The following THSD7B variants were observed in gnomAD, a reference collection of about 807,000 sequenced individuals.
The protein encoded by THSD7B is thrombospondin type 1 domain containing 7B.
A neutral mutation model predicts 213.6 loss-of-function variants in THSD7B; 138 were observed. The observed-to-expected ratio is 0.65, with a 90% confidence interval of 0.56 to 0.74. The LOEUF (loss-of-function observed/expected upper bound fraction) is 0.74, where lower values mean the gene tolerates loss of function less well. Among genes scored for constraint, THSD7B ranks in the 30% least tolerant of loss-of-function variants. The pLI is 0.00. For synonymous variants in THSD7B, 742 were observed against 687.0 expected, an observed-to-expected ratio of 1.08 and a Z score of -1.25; for missense variants, 1,931 against 1,991.5, an observed-to-expected ratio of 0.97 and a Z score of 0.58.
intron 12 of THSD7B, among the ~76,000 whole-genome samples, chr2:137,397,547 T>A (rs1312901591): frequency 6.6e-6 from 1 of 151,708 alleles, no homozygotes; most frequent in Non-Finnish European, 1.5e-5. Flanking sequence ...GTTAGTCTGA[T>A]GGGCTTCCCT....
intron 12 of THSD7B, among the ~76,000 whole-genome samples, chr2:137,373,099 G>T (rs1345279331): frequency 2.6e-5 from 4 of 152,040 alleles, no homozygotes; most frequent in South Asian, 2.1e-4. Flanking sequence ...GTCTATCATT[G>T]TTGGACATTT....
At chr2:137,552,815 T>A (rs1680876708) in intron 15 of THSD7B, among the ~76,000 whole-genome samples, 1 of 152,084 alleles carries the variant, frequency 6.6e-6, no homozygotes, top group Non-Finnish European at 1.5e-5. Context: ...GCTGATTGAA[T>A]AAGAAAAGGG....
chr2:136,838,252 C>G (rs1179248545), intron 1 of THSD7B, among the ~76,000 whole-genome samples: 1 of 151,972 alleles, frequency 6.6e-6, no homozygotes, highest in East Asian at 1.9e-4. Context: ...GATCTGCTTC[C>G]TTGGATTGGG....
chr2:136,878,088 A>G (rs1683554388), intron 1 of THSD7B, among the ~76,000 whole-genome samples: 1 of 152,026 alleles, frequency 6.6e-6, no homozygotes, highest in African/African-American at 2.4e-5. Context: ...ACCCCACAAC[A>G]GGTCCCAGTG....
intron 1 of THSD7B, among the ~76,000 whole-genome samples, chr2:136,792,467 C>T (rs888470635): frequency 2.0e-5 from 3 of 151,964 alleles, no homozygotes; most frequent in Admixed American, 2.0e-4. Context: ...TTTGTCAAAA[C>T]TCATAAAATG....
intron 14 of THSD7B, among the ~76,000 whole-genome samples, chr2:137,429,542 TTATGA>T (rs1350428419): frequency 1.3e-5 from 2 of 152,320 alleles, no homozygotes; most frequent in South Asian, 2.1e-4. Flanking sequence ...GGAGAATCAC[TTATGA>T]TAGGAATAGA....
chr2:137,275,171 C>T (rs1682838868), intron 11 of THSD7B, among the ~76,000 whole-genome samples: 2 of 151,992 alleles, frequency 1.3e-5, no homozygotes, highest in Admixed American at 1.3e-4. Flanking sequence ...GAAAGAAAAG[C>T]CAGTAGAAGG....
intron 2 of THSD7B, among the ~76,000 whole-genome samples, chr2:137,000,054 T>C (rs757963646): frequency 2.2e-4 from 33 of 152,150 alleles, no homozygotes; most frequent in Non-Finnish European, 4.6e-4. Flanking sequence ...CAGGAATGTA[T>C]AATGGAAGAG....
At chr2:137,587,336 C>T (rs183140679) in intron 17 of THSD7B, among the ~76,000 whole-genome samples, 10 of 152,262 alleles carry the variant, frequency 6.6e-5, no homozygotes, top group East Asian at 5.8e-4. Flanking sequence ...TCTGTCAACT[C>T]GTCAAAGTTA....
chr2:137,204,879 A>T (rs1261124237), intron 7 of THSD7B, among the ~76,000 whole-genome samples: 7 of 152,122 alleles, frequency 4.6e-5, no homozygotes, highest in Non-Finnish European at 7.4e-5. Context: ...TGGCACTGTT[A>T]TAACTAAGTA....
At chr2:137,334,170 TTCTCTCTCTCTCTCTCTCTC>T (rs139280559) in intron 12 of THSD7B, among the ~76,000 whole-genome samples, 13 of 148,936 alleles carry the variant, frequency 8.7e-5, no homozygotes, top group Non-Finnish European at 1.8e-4. Context: ...CTTTCTCTCT[TTCTCTCTCTCTCTCTCTCTC>T]TCTCTCTCTC....
intron 2 of THSD7B, among the ~76,000 whole-genome samples, chr2:136,954,714 C>CCAAAAAAA (rs1685095276): frequency 1.1e-5 from 1 of 89,430 alleles, no homozygotes; most frequent in Non-Finnish European, 2.0e-5. Context: ...GACTCTGTCT[C>CCAAAAAAA]AAAAAAAAAA....
At chr2:137,461,976 A>C (rs2105080910) in intron 15 of THSD7B, among the ~76,000 whole-genome samples, 1 of 152,280 alleles carries the variant, frequency 6.6e-6, no homozygotes, top group Admixed American at 6.5e-5. Context: ...TTACTTTGCA[A>C]GTCACCAGAG....
chr2:137,181,733 G>C (rs34279589), intron 7 of THSD7B, among the ~76,000 whole-genome samples: 7,002 of 152,068 alleles, frequency 0.046, 198 homozygotes, highest in Admixed American at 0.069. Flanking sequence ...TAGCATCTCT[G>C]GCACTCCCCC....
intron 2 of THSD7B, among the ~76,000 whole-genome samples, chr2:136,935,743 GA>G (rs1488662259): frequency 2.0e-5 from 3 of 152,004 alleles, no homozygotes; most frequent in Non-Finnish European, 4.4e-5. Flanking sequence ...ATACTCTGGG[GA>G]TTGGTAAGAA....
At position 137,632,521 on chromosome 2, in the gene THSD7B, G is replaced by C. The variant is rs11889994; in HGVS notation, c.3800-9967G>C. Among the ~76,000 whole-genome samples, 1,012 of 152,252 alleles carry C rather than the reference G, an allele frequency of 6.6e-3. 6 individuals carry two copies. Among genetic ancestry groups the C allele is most frequent in the African/African-American group, 0.023 (961 of 41,560 alleles). Reference sequence around the variant, plus strand: ...ATGGAAATTGCTCATTGTGGGTATTGCTGCTGTTTATAGGTATTACAGTGG... The same window carrying C: ...ATGGAAATTGCTCATTGTGGGTATTCCTGCTGTTTATAGGTATTACAGTGG... On this transcript the variant is annotated intron_variant, in intron 20 of 27. Coordinates refer to ENST00000409968, the MANE Select transcript of THSD7B (RefSeq NM_001316349.2).
At chr2:136,878,551 C>A (rs1299900485) in intron 1 of THSD7B, among the ~76,000 whole-genome samples, 1 of 151,932 alleles carries the variant, frequency 6.6e-6, no homozygotes, top group South Asian at 2.1e-4. Context: ...AAAAGTGTTC[C>A]TATTTCTCCA....
chr2:137,016,107 T>C (rs1686334565), intron 2 of THSD7B, among the ~76,000 whole-genome samples: 1 of 152,088 alleles, frequency 6.6e-6, no homozygotes, highest in African/African-American at 2.4e-5. Context: ...CAGGGGGAAA[T>C]TGCATTTCAT....
At chr2:137,392,523 AC>A (rs896297778) in intron 12 of THSD7B, among the ~76,000 whole-genome samples, 1 of 151,624 alleles carries the variant, frequency 6.6e-6, no homozygotes, top group African/African-American at 2.4e-5. Flanking sequence ...CTTTTCATAA[AC>A]TGTTTTTTAT....
Sources: gnomAD v4.1 joint callset for allele counts (sites outside exome capture counted in the v4.1 genomes callset) on GRCh38, gnomAD v4.1.1 for gene constraint, MANE v1.5 for transcripts, NCBI Gene and HGNC (gene_info 2026-07-23, HGNC 2026-07-21) for gene names.